The following HCN4 variants were observed in gnomAD, a reference collection of about 807,000 sequenced individuals.
HCN4 encodes potassium/sodium hyperpolarization-activated cyclic nucleotide-gated channel 4.
In HCN4, 29 loss-of-function variants were observed where a neutral mutation model predicts 76.9. The observed-to-expected ratio is 0.38, with a 90% CI of 0.28 to 0.51. The LOEUF (loss-of-function observed/expected upper bound fraction) is 0.51. Ranked by LOEUF, HCN4 falls within the 20% of genes least tolerant of loss-of-function variation. The pLI is 0.90. For missense variants in HCN4, 1,416 were observed against 1,715.2 expected (o/e 0.83, Z 3.08); for synonymous variants, 772 against 762.5 (o/e 1.01, Z -0.21).
chr15:73,323,755 C>A lies in HCN4; in HGVS notation c.2338G>T (p.Ala780Ser). Reference sequence around the variant, plus strand: ...GTGGCAGCGGCAGCCTGCAGTGGTGCCTGGATCAGCGGGGTCCAGATGACG... The same window carrying A: ...GTGGCAGCGGCAGCCTGCAGTGGTGACTGGATCAGCGGGGTCCAGATGACG... The part of the protein sequence containing the change: ...TPVIWTPLIQ[A>S]PLQAAAATTS... Residue 780 changes from alanine to serine, a missense_variant, in exon 8 of 8, where the codon GCA (alanine) becomes TCA (serine). Ala to Ser is a moderately conservative substitution (Grantham distance 99, BLOSUM62 1). This residue lies in a region of HCN4 where 241 missense variants were observed against 379.4 expected (regional missense o/e 0.64). Coordinates refer to ENST00000261917, the MANE Select transcript of HCN4 (RefSeq NM_005477.3). 6.2e-7 allele frequency: 1 copy of A among 1,606,828 alleles called. No homozygotes were observed.
At chr15:73,338,073 GT>G in intron 2 of HCN4, among the ~76,000 whole-genome samples, 1 of 152,134 alleles carries the variant, frequency 6.6e-6, no homozygotes. Context: ...AGGTTAGGGG[GT>G]GCCCTAGATT....
intron 1 of HCN4, among the ~76,000 whole-genome samples, chr15:73,345,648 C>A (rs986727432): frequency 1.3e-5 from 2 of 152,206 alleles, no homozygotes; most frequent in African/African-American, 4.8e-5. Flanking sequence ...CAGCTGTGTA[C>A]ACTCATTAGA....
At chr15:73,330,828 C>G (rs549043096) in intron 3 of HCN4, among the ~76,000 whole-genome samples, 8 of 152,156 alleles carry the variant, frequency 5.3e-5, no homozygotes, top group Non-Finnish European at 1.2e-4. Flanking sequence ...ACCAGGAGGG[C>G]TCATCCCCAG....
At position 73,321,478 on chromosome 15, in the gene HCN4, A is replaced by T. The variant is rs1031867223; in HGVS notation, c.*1003T>A. The T allele has an allele frequency of 1.3e-5, 2 of 152,494 alleles. No individual in the cohort carries two copies. Among genetic ancestry groups the T allele is most frequent in the African/African-American group, 4.8e-5 (2 of 41,452 alleles). The allele number at this position is 152,494 out of a possible 1,614,324, so 9.4% of individuals were successfully genotyped here. Reference sequence around the variant, plus strand: ...CACCCCATGGTCTTTGTGAAACTGAAGGAGTTAATGTGTGTAAAGTGCGAA... The same window carrying T: ...CACCCCATGGTCTTTGTGAAACTGATGGAGTTAATGTGTGTAAAGTGCGAA... On this transcript the variant is annotated 3_prime_UTR_variant, in exon 8 of 8. Transcript: ENST00000261917.
At chr15:73,362,970 G>A (rs1044446468) in intron 1 of HCN4, among the ~76,000 whole-genome samples, 11 of 152,184 alleles carry the variant, frequency 7.2e-5, no homozygotes, top group African/African-American at 2.4e-4. Flanking sequence ...TCGGTCCTGA[G>A]CTCCAGCAGC....
chr15:73,349,359 A>C (rs1169771101), intron 1 of HCN4, among the ~76,000 whole-genome samples: 2 of 152,020 alleles, frequency 1.3e-5, no homozygotes, highest in African/African-American at 2.4e-5. Context: ...TTAAAAAAAA[A>C]CCCCTATGAG....
At position 73,325,633 on chromosome 15, in the gene HCN4, C is replaced by T. The variant is rs2042894858; in HGVS notation, c.1591-189G>A. ...TGTGCTCAAAACAACTGCCCGGGCTCCCAGCTGCTTGGCATGGAGGAGGGG... is the reference window on the plus strand; with the variant it reads ...TGTGCTCAAAACAACTGCCCGGGCTTCCAGCTGCTTGGCATGGAGGAGGGG... On this transcript the variant is annotated intron_variant, in intron 4 of 7. Transcript: ENST00000261917. The surrounding 1 kb of genome is among the most constrained non-coding windows in gnomAD (Gnocchi z 7.4). Among the ~76,000 whole-genome samples, 1 of 152,114 alleles carries T rather than the reference C, an allele frequency of 6.6e-6. No homozygotes were observed. Among genetic ancestry groups the T allele is most frequent in the African/African-American group, 2.4e-5 (1 of 41,420 alleles).
intron 1 of HCN4, among the ~76,000 whole-genome samples, chr15:73,356,790 A>C (rs1417827589): frequency 2.6e-5 from 4 of 152,158 alleles, no homozygotes; most frequent in African/African-American, 9.7e-5. Context: ...TTCTGGCCTC[A>C]GAATTTTATG....
chr15:73,323,061 G>A lies in HCN4; in HGVS notation c.3032C>T (p.Ser1011Phe). The part of the protein sequence containing the change: ...PEPPSLVAGA[S>F]GGASPVGFTP... ...AAAGCCTACAGGGGAAGCCCCCCCA[G>A]AGGCCCCTGCCACAAGGGACGGCGG... The change falls in exon 8 of 8, where the codon TCT becomes TTT. Residue 1011 changes from serine (S) to phenylalanine (F), a missense_variant. Physicochemically the swap from Ser to Phe is radical, Grantham distance 155. Around this residue, in one of 6 missense-constraint regions of HCN4, gnomAD observed 633 missense variants for 579.8 expected, o/e 1.09. Transcript: ENST00000261917. 1.2e-5 allele frequency: 18 copies of A among 1,539,968 alleles called. No individual in the cohort carries two copies. Among genetic ancestry groups the A allele is most frequent in the Non-Finnish European group, 1.6e-5 (18 of 1,149,188 alleles).
chr15:73,341,285 C>T (rs1345396477), intron 2 of HCN4, among the ~76,000 whole-genome samples: 6 of 151,816 alleles, frequency 4.0e-5, no homozygotes, highest in Admixed American at 2.0e-4. Context: ...GGATTACAGG[C>T]GCCCACCACC....
intron 1 of HCN4, among the ~76,000 whole-genome samples, chr15:73,358,050 C>T (rs1486414816): frequency 6.6e-6 from 1 of 152,166 alleles, no homozygotes; most frequent in Non-Finnish European, 1.5e-5. Flanking sequence ...AGGCCCGACC[C>T]TGGACACTGA....
chr15:73,368,342 C>T lies in HCN4; in HGVS notation c.-72G>A, dbSNP rs2043140589. The T allele has an allele frequency of 5.2e-6, 6 of 1,143,296 alleles. No homozygotes were observed. The South Asian group carries it at 9.0e-5, about 17-fold the overall frequency. The allele number at this position is 1,143,296 out of a possible 1,614,324, so 70.8% of individuals were successfully genotyped here. ...GCCGCGGACGGGCTCCAGGTCCGCC[C>T]GCCGGTCAGTCCGCCCGTGGGGACG... On this transcript the variant is annotated 5_prime_UTR_variant, in exon 1 of 8. Coordinates refer to ENST00000261917, the MANE Select transcript of HCN4 (RefSeq NM_005477.3). This position sits in a 1 kb window ranked among gnomAD's most constrained non-coding sequence, Gnocchi z 6.9.
At chr15:73,364,247 G>A (rs2043118824) in intron 1 of HCN4, among the ~76,000 whole-genome samples, 1 of 151,974 alleles carries the variant, frequency 6.6e-6, no homozygotes. Context: ...GTTCCACACA[G>A]GGACTTCCCC....
At chr15:73,350,045 T>G (rs921699408) in intron 1 of HCN4, among the ~76,000 whole-genome samples, 2 of 152,162 alleles carry the variant, frequency 1.3e-5, no homozygotes, top group African/African-American at 4.8e-5. Context: ...CGTCACCACC[T>G]CCGGTGCTGC....
chr15:73,351,696 C>T (rs151134287), intron 1 of HCN4, among the ~76,000 whole-genome samples: 8 of 152,302 alleles, frequency 5.3e-5, no homozygotes, highest in African/African-American at 9.6e-5. Flanking sequence ...CTCCTCCAAT[C>T]GACTCTCCAC....
chr15:73,339,523 C>T (rs984417604), intron 2 of HCN4, among the ~76,000 whole-genome samples: 12 of 152,256 alleles, frequency 7.9e-5, no homozygotes, highest in African/African-American at 2.9e-4. Flanking sequence ...TGAGCTACAA[C>T]AAGGTCTTCA....
rs544496326 is a variant in HCN4 at position 73,330,979 on chromosome 15, A to G, written c.1371+1152T>C. Among the ~76,000 whole-genome samples the G allele has an allele frequency of 1.7e-4, 26 of 152,342 alleles. No individual in the cohort carries two copies. The South Asian group carries it at 5.4e-3, about 32-fold the overall frequency. The stretch of plus-strand genomic sequence containing the variant: ...TTAGCTCATCAAAAGGCTGTTTTGT[A>G]AAGGCCTGTTTGATGCTGAAAGATG... On this transcript the variant is annotated intron_variant, in intron 3 of 7. Transcript: ENST00000261917.
At position 73,322,397 on chromosome 15, in the gene HCN4, T is replaced by C; in HGVS notation, c.*84A>G. 9.4e-7 allele frequency: 1 copy of C among 1,065,234 alleles called. No individual in the cohort carries two copies. The highest frequency in any genetic ancestry group is 2.6e-5 in the East Asian group (1 of 38,766). The allele number at this position is 1,065,234 out of a possible 1,614,324, so 66.0% of individuals were successfully genotyped here. ...TTTTTTAAATAATTATTACTGTTAT[T>C]GGTATATCTCCTAATCACAGTTAAA... On this transcript the variant is annotated 3_prime_UTR_variant, in exon 8 of 8. Transcript: ENST00000261917.
intron 2 of HCN4, among the ~76,000 whole-genome samples, chr15:73,340,313 G>T (rs1417012048): frequency 6.6e-6 from 1 of 152,182 alleles, no homozygotes; most frequent in Non-Finnish European, 1.5e-5. Flanking sequence ...GGAGGAGTAA[G>T]GTCAGCCCCT....
Sources: allele counts gnomAD v4.1 joint callset (sites outside exome capture counted in the v4.1 genomes callset), GRCh38; gene constraint gnomAD v4.1.1; regional missense constraint gnomAD v4.1.1; non-coding constraint Gnocchi (gnomAD v3.1); transcripts MANE v1.5; gene names NCBI Gene and HGNC (gene_info 2026-07-23, HGNC 2026-07-21).